The following EPB41L4A variants were observed in gnomAD, a reference collection of about 807,000 sequenced individuals.
EPB41L4A encodes the protein band 4.1-like protein 4A.
A neutral mutation model predicts 108.6 loss-of-function variants in EPB41L4A; 100 were observed. The observed-to-expected ratio is 0.92, with a 90% CI of 0.78 to 1.09. The LOEUF (loss-of-function observed/expected upper bound fraction) is 1.09. Among genes scored for constraint, EPB41L4A ranks in the 50% least tolerant of loss-of-function variants. The pLI is 0.00. For missense variants in EPB41L4A, 1,030 were observed against 842.7 expected (o/e 1.22, Z -2.75); for synonymous variants, 319 against 289.0 (o/e 1.10, Z -1.05).
chr5:112,151,364 C>T (rs867510758), intron 12 of EPB41L4A, among the ~76,000 whole-genome samples: 13 of 141,494 alleles, frequency 9.2e-5, no homozygotes, highest in Non-Finnish European at 1.5e-4. Flanking sequence ...TTTTTTTATT[C>T]AAGAAGAGGA....
At position 112,265,061 on chromosome 5, in the gene EPB41L4A, G is replaced by A. The variant is rs773190538; in HGVS notation, c.434-45C>T. 6 of 1,484,320 alleles carry A rather than the reference G, an allele frequency of 4.0e-6. No homozygotes were observed. In the South Asian group the frequency reaches 8.2e-5, roughly 20 times the overall value. 91.9% of individuals were successfully genotyped at this position (1,484,320 alleles called of 1,614,324 possible). ...TAGTTTTTTCCATTTTAGGAAAATAGTCCTTAAAACATAGAAATAAAATAT... is the reference window on the plus strand; with the variant it reads ...TAGTTTTTTCCATTTTAGGAAAATAATCCTTAAAACATAGAAATAAAATAT... On this transcript the variant is annotated intron_variant, in intron 5 of 22. Coordinates refer to ENST00000261486, the MANE Select transcript of EPB41L4A (RefSeq NM_022140.5).
chr5:112,298,708 T>G (rs1385983440), intron 2 of EPB41L4A, among the ~76,000 whole-genome samples: 1 of 152,202 alleles, frequency 6.6e-6, no homozygotes, highest in African/African-American at 2.4e-5. Flanking sequence ...TGAAGAATAA[T>G]GTCAATATGA....
In EPB41L4A at chr5:112,336,411, G is replaced by A. The variant is rs1580709676; in HGVS notation, c.100-28921C>T. On this transcript the variant is annotated intron_variant, in intron 1 of 22. Coordinates refer to ENST00000261486, the MANE Select transcript of EPB41L4A (RefSeq NM_022140.5). The stretch of plus-strand genomic sequence containing the variant: ...TTCCAGAGTATGAAATAGGAGGCCT[G>A]TGGCATTATTCTTTCCTGTGTTCCA... Among the ~76,000 whole-genome samples the A allele has an allele frequency of 2.6e-5, 4 of 152,292 alleles. 1 individual carries two copies. In the South Asian group the frequency reaches 8.3e-4, roughly 32 times the overall value.
chr5:112,351,417 C>T (rs535567468), intron 1 of EPB41L4A, among the ~76,000 whole-genome samples: 144 of 152,072 alleles, frequency 9.5e-4, no homozygotes, highest in African/African-American at 3.3e-3. Flanking sequence ...GACTGACGTA[C>T]GAAGAAATAA....
chr5:112,294,515 T>C (rs1325202575), intron 2 of EPB41L4A, among the ~76,000 whole-genome samples: 2 of 152,166 alleles, frequency 1.3e-5, no homozygotes, highest in Non-Finnish European at 2.9e-5. Flanking sequence ...TAATATGTGA[T>C]ACAAGAAGGC....
intron 1 of EPB41L4A, among the ~76,000 whole-genome samples, chr5:112,357,564 G>C (rs540197920): frequency 1.4e-3 from 218 of 152,262 alleles, no homozygotes; most frequent in African/African-American, 5.1e-3. Flanking sequence ...TATAATGTCT[G>C]GTACCAAGCA....
At chr5:112,275,514 C>CAT in intron 3 of EPB41L4A, 110 bp from the exon 4 acceptor site, 2 of 1,266,760 alleles carry the variant, frequency 1.6e-6, no homozygotes, top group Non-Finnish European at 2.1e-6. Flanking sequence ...TCTAAAGAAA[C>CAT]AAGAAAACAT....
At chr5:112,248,608 A>G (rs903605416) in intron 9 of EPB41L4A, among the ~76,000 whole-genome samples, 1 of 152,144 alleles carries the variant, frequency 6.6e-6, no homozygotes, top group African/African-American at 2.4e-5. Context: ...CAATTCCATC[A>G]TTTGTAAGAA....
intron 9 of EPB41L4A, among the ~76,000 whole-genome samples, chr5:112,243,985 C>T (rs1750014455): frequency 6.6e-6 from 1 of 152,188 alleles, no homozygotes; most frequent in African/African-American, 2.4e-5. Context: ...TTTTTCTTTG[C>T]ATTCACAACT....
At position 112,264,973 on chromosome 5, in the gene EPB41L4A, A is replaced by G; in HGVS notation, c.477T>C (p.Tyr159=). 2.5e-6 allele frequency: 4 copies of G among 1,611,866 alleles called. No individual in the cohort carries two copies. Among genetic ancestry groups the G allele is most frequent in the Admixed American group, 1.7e-5 (1 of 59,584 alleles). ...DYDPYKHTAG[Y]VSEYRFVPDQ... is the part of the protein sequence containing the mutation. ...CAGGAACAAACCGGTACTCAGATAC[A>G]TATCCTGCAGTATGTTTATATGGGT... is the stretch of plus-strand genomic sequence containing the variant. Residue 159 remains tyrosine, a synonymous_variant, in exon 6 of 23, where the codon TAT becomes TAC. Transcript: ENST00000261486.
chr5:112,308,562 T>C (rs900155982), intron 1 of EPB41L4A, among the ~76,000 whole-genome samples: 1 of 147,804 alleles, frequency 6.8e-6, no homozygotes, highest in African/African-American at 2.4e-5. Flanking sequence ...CTAAATTACT[T>C]TGACTAACTT....
chr5:112,161,337 C>T, downstream of EPB41L4A: 2 of 379,358 alleles, frequency 5.3e-6, no homozygotes, highest in South Asian at 2.0e-5. Flanking sequence ...CCATTTAAAA[C>T]GCATCGCATT....
intron 1 of EPB41L4A, among the ~76,000 whole-genome samples, chr5:112,326,240 G>A (rs1180469200): frequency 2.6e-5 from 4 of 151,996 alleles, no homozygotes; most frequent in Non-Finnish European, 5.9e-5. Flanking sequence ...AACATCCCCA[G>A]GATCAGGTGG....
chr5:112,384,903 A>G (rs1561629642), intron 1 of EPB41L4A, among the ~76,000 whole-genome samples: 2 of 152,214 alleles, frequency 1.3e-5, no homozygotes, highest in Non-Finnish European at 2.9e-5. Context: ...GCTGGGAAAG[A>G]TAATGCAAAG....
chr5:112,150,324 C>T (rs1256418951), intron 12 of EPB41L4A, among the ~76,000 whole-genome samples: 2 of 151,986 alleles, frequency 1.3e-5, no homozygotes, highest in Non-Finnish European at 2.9e-5. Context: ...AAGTGACAGT[C>T]AGCTAAAACA....
intron 1 of EPB41L4A, among the ~76,000 whole-genome samples, chr5:112,375,323 G>GCTCTCTCTCGCA (rs1440284141): frequency 1.7e-4 from 24 of 142,554 alleles, no homozygotes; most frequent in Middle Eastern, 3.5e-3. Context: ...TCTCTCTCTC[G>GCTCTCTCTCGCA]CACACACACA....
At chr5:112,177,782 C>G (rs977344308) in intron 18 of EPB41L4A, among the ~76,000 whole-genome samples, 5 of 151,790 alleles carry the variant, frequency 3.3e-5, no homozygotes, top group Admixed American at 6.6e-5. Flanking sequence ...AAGAATCATA[C>G]TTACAGAGAG....
chr5:112,328,249 C>A (rs544346255), intron 1 of EPB41L4A, among the ~76,000 whole-genome samples: 21 of 152,144 alleles, frequency 1.4e-4, no homozygotes, highest in Admixed American at 1.2e-3. Context: ...GCAGAGGTTA[C>A]AGTAGGCCAA....
intron 1 of EPB41L4A, among the ~76,000 whole-genome samples, chr5:112,382,782 T>C (rs535373591): frequency 2.0e-4 from 31 of 152,130 alleles, no homozygotes; most frequent in Non-Finnish European, 2.9e-5. Context: ...TGATACCCAG[T>C]TGTGGAATTT....
Sources: gnomAD v4.1 joint callset for allele counts (sites outside exome capture counted in the v4.1 genomes callset) on GRCh38, gnomAD v4.1.1 for gene constraint, MANE v1.5 for transcripts, NCBI Gene and HGNC (gene_info 2026-07-23, HGNC 2026-07-21) for gene names.